JAK2: variants seen among roughly 807,000 people sequenced by gnomAD.
JAK2 encodes tyrosine-protein kinase JAK2.
In JAK2, 86 loss-of-function variants were observed where a neutral mutation model predicts 139.3. The ratio of observed to expected loss-of-function variants is 0.62; its 90% CI spans 0.52 to 0.74. JAK2 has a LOEUF of 0.74. Ranked by LOEUF, JAK2 falls within the 30% of genes least tolerant of loss-of-function variation. The pLI is 0.00. For missense variants in JAK2, 1,421 were observed against 1,360.3 expected, an observed-to-expected ratio of 1.04 and a Z score of -0.70; for synonymous variants, 490 against 437.7, an observed-to-expected ratio of 1.12 and a Z score of -1.49.
chr9:5,062,895 T>C (rs982561062), intron 8 of JAK2, among the ~76,000 whole-genome samples: 2 of 152,194 alleles, frequency 1.3e-5, no homozygotes, highest in African/African-American at 4.8e-5. Flanking sequence ...TCATGTCCTT[T>C]GACTAGTTTT....
chr9:5,091,899 C>G (rs1820606078), intron 22 of JAK2, among the ~76,000 whole-genome samples: 1 of 152,000 alleles, frequency 6.6e-6, no homozygotes, highest in South Asian at 2.1e-4. Flanking sequence ...GTGGTTACAC[C>G]TAGGGCTGTG....
intron 8 of JAK2, among the ~76,000 whole-genome samples, chr9:5,061,048 T>C (rs1206901888): frequency 6.6e-6 from 1 of 152,222 alleles, no homozygotes; most frequent in African/African-American, 2.4e-5. Context: ...TCTTTTTTTC[T>C]GAGCAGATCT....
intron 4 of JAK2, among the ~76,000 whole-genome samples, chr9:5,034,200 A>G (rs1586672405): frequency 6.6e-6 from 1 of 152,220 alleles, no homozygotes; most frequent in East Asian, 1.9e-4. Flanking sequence ...ACTGTCCTAA[A>G]TATATATGCA....
chr9:5,085,653 T>A (rs750288783), intron 19 of JAK2: 2 of 723,864 alleles, frequency 2.8e-6, no homozygotes, highest in Non-Finnish European at 5.2e-6. Flanking sequence ...AGATCTTGTG[T>A]GTTTTCCTTT....
intron 19 of JAK2, among the ~76,000 whole-genome samples, chr9:5,082,568 C>G (rs1270786574): frequency 6.6e-6 from 1 of 152,222 alleles, no homozygotes; most frequent in South Asian, 2.1e-4. Flanking sequence ...ACTAATCCTC[C>G]CCAGCACAGA....
chr9:5,099,659 G>C (rs1249244856), intron 22 of JAK2: 2 of 152,108 alleles, frequency 1.3e-5, no homozygotes, highest in East Asian at 1.9e-4. Context: ...CCAACCTCTA[G>C]TCATCAAATT....
In JAK2 at chr9:5,069,956, T is replaced by C. The variant is rs576746768; in HGVS notation, c.1545T>C (p.Asn515=). ...DKSNLLVFRT[N]GVSDVPTSPT... is the part of the protein sequence containing the mutation. Reference sequence around the variant, plus strand: ...CAAACCTTCTAGTCTTCAGAACGAATGGTGTTTCTGATGTACCAACCTCAC... The same window carrying C: ...CAAACCTTCTAGTCTTCAGAACGAACGGTGTTTCTGATGTACCAACCTCAC... The change falls in exon 12 of 25, where the codon AAT becomes AAC. Residue 515 remains asparagine, a synonymous_variant. Coordinates refer to ENST00000381652, the MANE Select transcript of JAK2 (RefSeq NM_004972.4). 9 of 1,604,884 alleles carry C rather than the reference T, an allele frequency of 5.6e-6. 1 individual carries two copies. The Admixed American group carries it at 1.2e-4, about 21-fold the overall frequency.
intron 2 of JAK2, among the ~76,000 whole-genome samples, chr9:4,990,098 A>G (rs1387609780): frequency 6.6e-6 from 1 of 152,224 alleles, no homozygotes; most frequent in Non-Finnish European, 1.5e-5. Context: ...CAGATTGCAG[A>G]GATGTCACAA....
chr9:5,027,243 C>T (rs745727196), intron 3 of JAK2, among the ~76,000 whole-genome samples: 3 of 152,138 alleles, frequency 2.0e-5, no homozygotes, highest in East Asian at 1.9e-4. Flanking sequence ...TCCAGACTAT[C>T]GCAGTGAAGC....
At chr9:5,010,466 G>A (rs992480510) in intron 2 of JAK2, among the ~76,000 whole-genome samples, 35 of 151,926 alleles carry the variant, frequency 2.3e-4, no homozygotes, top group African/African-American at 1.2e-4. Context: ...GATTACAGGC[G>A]TGTACCACTA....
intron 15 of JAK2, 151 bp from the exon 16 acceptor site, chr9:5,078,155 C>T (rs1423286550): frequency 1.8e-6 from 1 of 560,988 alleles, no homozygotes; most frequent in Non-Finnish European, 3.1e-6. Flanking sequence ...GCATAGGAGT[C>T]ATAAATTTCC....
At chr9:4,996,928 C>CTTTTTTTTTTTTTTTTT (rs1166992356) in intron 2 of JAK2, among the ~76,000 whole-genome samples, 4 of 94,706 alleles carry the variant, frequency 4.2e-5, no homozygotes, top group Non-Finnish European at 6.1e-5. Flanking sequence ...TTAGTTTGTT[C>CTTTTTTTTTTTTTTTTT]TTTTTTTTTT....
intron 22 of JAK2, among the ~76,000 whole-genome samples, chr9:5,095,340 A>C (rs114008742): frequency 6.6e-6 from 1 of 152,064 alleles, no homozygotes; most frequent in East Asian, 1.9e-4. Context: ...TAAATATAGT[A>C]GTTCTTACCC....
intron 19 of JAK2, among the ~76,000 whole-genome samples, chr9:5,088,168 CAGAG>C (rs141943409): frequency 1.8e-4 from 27 of 152,260 alleles, no homozygotes; most frequent in Non-Finnish European, 3.1e-4. Flanking sequence ...TCCGCGGTCA[CAGAG>C]AGAGCAAGTT....
At chr9:5,063,310 A>G (rs1426166911) in intron 8 of JAK2, among the ~76,000 whole-genome samples, 3 of 152,218 alleles carry the variant, frequency 2.0e-5, no homozygotes, top group African/African-American at 7.2e-5. Context: ...ACTTCTCAAT[A>G]CAAAATTTCA....
chr9:5,046,574 G>C (rs1350409924), intron 5 of JAK2, among the ~76,000 whole-genome samples: 4 of 152,026 alleles, frequency 2.6e-5, no homozygotes, highest in Non-Finnish European at 5.9e-5. Context: ...GTTAATTTTT[G>C]TCTATCGTGA....
In JAK2 at chr9:5,039,801, A is replaced by G. The variant is rs980454989; in HGVS notation, c.351-4602A>G. Among the ~76,000 whole-genome samples the G allele has an allele frequency of 5.3e-5, 8 of 152,164 alleles. No individual in the cohort carries two copies. The East Asian group carries it at 1.5e-3, about 29-fold the overall frequency. On this transcript the variant is annotated intron_variant, in intron 4 of 24. Coordinates refer to ENST00000381652, the MANE Select transcript of JAK2 (RefSeq NM_004972.4). Reference sequence around the variant, plus strand: ...AAATGTATACACTGAGAAATATAAAACATCATTGAAAGAAATTAAGGAAAC... The same window carrying G: ...AAATGTATACACTGAGAAATATAAAGCATCATTGAAAGAAATTAAGGAAAC...
chr9:5,091,909 G>C (rs914795409), intron 22 of JAK2, among the ~76,000 whole-genome samples: 3 of 152,134 alleles, frequency 2.0e-5, no homozygotes, highest in African/African-American at 7.2e-5. Context: ...CTAGGGCTGT[G>C]AGCTTTAGGT....
intron 22 of JAK2, among the ~76,000 whole-genome samples, chr9:5,107,181 T>G (rs1822033081): frequency 6.6e-6 from 1 of 152,140 alleles, no homozygotes; most frequent in African/African-American, 2.4e-5. Context: ...AGAGTACCAT[T>G]GACTTCCAAT....
Sources: allele counts gnomAD v4.1 joint callset (sites outside exome capture counted in the v4.1 genomes callset), GRCh38; gene constraint gnomAD v4.1.1; transcripts MANE v1.5; gene names NCBI Gene and HGNC (gene_info 2026-07-23, HGNC 2026-07-21).